Variants in ADAMTSL3 observed in about 807,000 individuals in gnomAD.
ADAMTSL3 encodes ADAMTS-like protein 3.
ADAMTSL3 carries 128 observed loss-of-function variants against 201.7 expected under a neutral mutation model. The ratio of observed to expected loss-of-function variants is 0.63; its 90% CI spans 0.55 to 0.73. ADAMTSL3 has a LOEUF of 0.73. ADAMTSL3 is among the 30% of genes least tolerant of loss of function. The pLI, the probability that ADAMTSL3 is intolerant of heterozygous loss-of-function variation, is 0.00. For synonymous variants in ADAMTSL3, 738 were observed against 748.4 expected (o/e 0.99, Z 0.23); for missense variants, 1,990 against 2,119.6 (o/e 0.94, Z 1.20).
At chr15:83,858,706 T>A in intron 7 of ADAMTSL3, 60 bp from the exon 8 acceptor site, 2 of 1,344,810 alleles carry the variant, frequency 1.5e-6, no homozygotes, top group South Asian at 2.5e-5. Flanking sequence ...ATTGACTTGC[T>A]CATTTTCATG....
intron 17 of ADAMTSL3, 39 bp downstream of exon 17, chr15:83,924,072 G>A (rs764653363): frequency 1.9e-5 from 30 of 1,608,576 alleles, no homozygotes; most frequent in Admixed American, 1.0e-4. Flanking sequence ...TACCGTGTCC[G>A]GGTGGTAACA....
In ADAMTSL3 at chr15:83,714,885, C is replaced by T. The variant is rs2061992201; in HGVS notation, c.189+10377C>T. On this transcript the variant is annotated intron_variant, in intron 3 of 29. Transcript: ENST00000286744. ...CCCTCCCTCCCTCCCTCCCTTCCTTCCTTCCTTCCTTCCTTCCTTCCTTCC... is the reference window on the plus strand; with the variant it reads ...CCCTCCCTCCCTCCCTCCCTTCCTTTCTTCCTTCCTTCCTTCCTTCCTTCC... Among the ~76,000 whole-genome samples, 34 of 14,784 alleles carry T rather than the reference C, an allele frequency of 2.3e-3. 1 individual carries two copies. The highest frequency in any genetic ancestry group is 0.01 in the South Asian group (1 of 96). The allele number at this position is 14,784 out of a possible 152,430, so 9.7% of individuals were successfully genotyped here. A position where few individuals can be genotyped will look rare whatever the true frequency, so the allele number is the denominator to read the frequency against.
At chr15:83,697,081 G>T (rs961061406) in intron 2 of ADAMTSL3, among the ~76,000 whole-genome samples, 6 of 152,160 alleles carry the variant, frequency 3.9e-5, no homozygotes, top group African/African-American at 1.4e-4. Flanking sequence ...GAAGTGTTCA[G>T]ACTGGCTTGT....
intron 6 of ADAMTSL3, among the ~76,000 whole-genome samples, chr15:83,823,720 T>A (rs1055282516): frequency 2.6e-5 from 4 of 152,194 alleles, no homozygotes; most frequent in Non-Finnish European, 5.9e-5. Flanking sequence ...CCAAAGTGAT[T>A]ATGTTAAAAG....
intron 2 of ADAMTSL3, among the ~76,000 whole-genome samples, chr15:83,700,060 C>T (rs936289700): frequency 1.3e-5 from 2 of 152,214 alleles, no homozygotes; most frequent in Non-Finnish European, 2.9e-5. Flanking sequence ...CTCATTGTAT[C>T]TATCGCACTG....
chr15:83,868,916 G>A (rs11259924), intron 8 of ADAMTSL3, among the ~76,000 whole-genome samples: 151,582 of 152,276 alleles, frequency 1, 75,449 homozygotes, highest in East Asian at 1. Flanking sequence ...AATGGATATC[G>A]TAGCAACTGG....
intron 15 of ADAMTSL3, among the ~76,000 whole-genome samples, chr15:83,912,308 T>C (rs990164973): frequency 1.3e-5 from 2 of 152,224 alleles, no homozygotes; most frequent in African/African-American, 4.8e-5. Context: ...AGTAAAACTT[T>C]AGTTATGCAC....
intron 7 of ADAMTSL3, among the ~76,000 whole-genome samples, chr15:83,856,957 C>A (rs1489401558): frequency 6.6e-6 from 1 of 152,086 alleles, no homozygotes; most frequent in African/African-American, 2.4e-5. Context: ...TTCGCCACAT[C>A]CTCACCAATA....
intron 27 of ADAMTSL3, among the ~76,000 whole-genome samples, chr15:84,026,944 A>C (rs2068322026): frequency 6.6e-6 from 1 of 152,214 alleles, no homozygotes; most frequent in South Asian, 2.1e-4. Context: ...AAAATTAAAA[A>C]CTTGTGCTGC....
chr15:83,953,669 C>CCTTTTATTTCTTTTATTTCAGT (rs1406004906), intron 19 of ADAMTSL3, among the ~76,000 whole-genome samples: 3 of 152,122 alleles, frequency 2.0e-5, no homozygotes, highest in Non-Finnish European at 4.4e-5. Flanking sequence ...TTATTAATAT[C>CCTTTTATTTCTTTTATTTCAGT]CTTTTATTTC....
intron 28 of ADAMTSL3, among the ~76,000 whole-genome samples, chr15:84,031,929 A>C (rs1357846716): frequency 6.6e-6 from 1 of 152,186 alleles, no homozygotes; most frequent in Non-Finnish European, 1.5e-5. Context: ...CTCCTTTTAT[A>C]AAAGTCTGAG....
chr15:83,949,418 C>A (rs1369244695), intron 19 of ADAMTSL3, among the ~76,000 whole-genome samples: 2 of 152,106 alleles, frequency 1.3e-5, no homozygotes, highest in Non-Finnish European at 2.9e-5. Flanking sequence ...TGCTGACGGA[C>A]ACTTAGGTTG....
rs560162404 is a variant in ADAMTSL3, at chr15:83,872,731, C to T, written c.960+1772C>T. On this transcript the variant is annotated intron_variant, in intron 9 of 29. Coordinates refer to ENST00000286744, the MANE Select transcript of ADAMTSL3 (RefSeq NM_207517.3). ...AGGAGACATTAATACAATGATGAAA[C>T]GAGGAAAGTACCCACAAAGATTAGT... is the stretch of plus-strand genomic sequence containing the variant. Among the ~76,000 whole-genome samples the T allele has an allele frequency of 3.7e-5, 4 of 109,412 alleles. 1 individual carries two copies. The highest frequency in any genetic ancestry group is 8.8e-4 in the East Asian group (2 of 2,278). The allele number at this position is 109,412 out of a possible 152,430, so 71.8% of individuals were successfully genotyped here.
At chr15:83,896,868 G>A (rs2065625774) in intron 13 of ADAMTSL3, among the ~76,000 whole-genome samples, 1 of 152,268 alleles carries the variant, frequency 6.6e-6, no homozygotes, top group African/African-American at 2.4e-5. Flanking sequence ...AACTTACAGT[G>A]ATGGTGGAGG....
In ADAMTSL3 at chr15:83,988,753, T is replaced by C. The variant is rs752860116; in HGVS notation, c.3779T>C (p.Ile1260Thr). Residue 1260 changes from isoleucine (I) to threonine (T), a missense_variant, in exon 22 of 30, where the codon ATA becomes ACA. Transcript: ENST00000286744. ...AATCCTACAAGGAAAGAACAAGGCA[T>C]ATATGAATGTTCTGTAGCTAATCAT... is the stretch of plus-strand genomic sequence containing the variant. Reference protein sequence around the residue: ...IQNPTRKEQGIYECSVANHLG... With the variant: ...IQNPTRKEQGTYECSVANHLG... 1.2e-6 allele frequency: 2 copies of C among 1,609,892 alleles called. No individual in the cohort carries two copies. The highest frequency in any genetic ancestry group is 1.1e-5 in the South Asian group (1 of 90,280).
intron 23 of ADAMTSL3, among the ~76,000 whole-genome samples, chr15:83,992,220 C>G (rs960938810): frequency 6.6e-6 from 1 of 152,170 alleles, no homozygotes; most frequent in African/African-American, 2.4e-5. Flanking sequence ...CCAGGACACA[C>G]TTATCCAGCT....
rs544687231 is a variant in ADAMTSL3 at position 83,702,182 on chromosome 15, C to T, written c.70-2207C>T. The stretch of plus-strand genomic sequence containing the variant: ...CTTGAGAGAGAAGATTTAGGGTACC[C>T]GGTGGAAGAAATTTCTAAGCAGCAA... On this transcript the variant is annotated intron_variant, in intron 2 of 29. Transcript: ENST00000286744. Among the ~76,000 whole-genome samples, 51 of 152,154 alleles carry T rather than the reference C, an allele frequency of 3.4e-4. No individual in the cohort carries two copies. The South Asian group carries it at 5.0e-3, about 15-fold the overall frequency.
At chr15:83,845,218 G>C (rs564099927) in intron 7 of ADAMTSL3, among the ~76,000 whole-genome samples, 5 of 152,318 alleles carry the variant, frequency 3.3e-5, no homozygotes, top group African/African-American at 1.2e-4. Context: ...TTAGCCTTTA[G>C]GGAAAGAAGT....
intron 3 of ADAMTSL3, among the ~76,000 whole-genome samples, chr15:83,743,852 T>C (rs1345465575): frequency 6.6e-6 from 1 of 152,108 alleles, no homozygotes; most frequent in African/African-American, 2.4e-5. Flanking sequence ...CCTTAACTCA[T>C]ATATCTTTTT....
Sources: gnomAD v4.1 joint callset for allele counts (sites outside exome capture counted in the v4.1 genomes callset) on GRCh38, gnomAD v4.1.1 for gene constraint, MANE v1.5 for transcripts, NCBI Gene and HGNC (gene_info 2026-07-23, HGNC 2026-07-21) for gene names.